The following PTPRG variants were observed in gnomAD, a reference collection of about 807,000 sequenced individuals.
The protein encoded by PTPRG is receptor-type tyrosine-protein phosphatase gamma.
PTPRG carries 102 observed loss-of-function variants against 165.3 expected under a neutral mutation model. The observed-to-expected ratio is 0.62, with a 90% CI of 0.53 to 0.73. The LOEUF (loss-of-function observed/expected upper bound fraction) is 0.73. PTPRG is among the 30% of genes least tolerant of loss of function. PTPRG has a pLI of 0.00. For synonymous variants in PTPRG, 675 were observed against 669.5 expected (o/e 1.01, Z -0.13); for missense variants, 1,866 against 1,861.4 (o/e 1.00, Z -0.05).
intron 21 of PTPRG, among the ~76,000 whole-genome samples, chr3:62,272,466 AC>A (rs1233511232): frequency 2.6e-5 from 4 of 152,166 alleles, no homozygotes; most frequent in African/African-American, 7.2e-5. Flanking sequence ...TTTGTTTTAA[AC>A]TTTGGTACTC....
intron 2 of PTPRG, among the ~76,000 whole-genome samples, chr3:61,960,855 T>G (rs1227113877): frequency 6.6e-6 from 1 of 152,160 alleles, no homozygotes; most frequent in Non-Finnish European, 1.5e-5. Flanking sequence ...TTTCCTAAAA[T>G]TAAGGCAATG....
At chr3:61,918,060 C>A (rs2038985986) in intron 2 of PTPRG, among the ~76,000 whole-genome samples, 1 of 152,166 alleles carries the variant, frequency 6.6e-6, no homozygotes, top group Non-Finnish European at 1.5e-5. Context: ...TTAGAAGAAG[C>A]AGTTTATAGA....
intron 17 of PTPRG, among the ~76,000 whole-genome samples, chr3:62,266,045 C>G (rs1292579903): frequency 6.6e-6 from 1 of 152,036 alleles, no homozygotes; most frequent in Non-Finnish European, 1.5e-5. Context: ...TGTGATGTGC[C>G]CAAAGGTCAT....
intron 14 of PTPRG, among the ~76,000 whole-genome samples, chr3:62,231,631 T>G (rs952139681): frequency 1.4e-4 from 22 of 152,074 alleles, no homozygotes; most frequent in Non-Finnish European, 3.2e-4. Context: ...CCATTTTCTT[T>G]CCAAATTTTT....
Position 62,203,661 on chromosome 3 carries a change from G to C in PTPRG, c.1866G>C (p.Glu622Asp), listed in dbSNP as rs570913535. Residue 622 changes from glutamate (E) to aspartate (D), a missense_variant, in exon 12 of 30, where the codon GAG becomes GAC. Glu to Asp is a conservative substitution (Grantham distance 45). This residue lies in a region of PTPRG where 1,452 missense variants were observed against 1,463.0 expected (regional missense o/e 0.99). Coordinates refer to ENST00000474889, the MANE Select transcript of PTPRG (RefSeq NM_002841.4). The surrounding 1 kb of genome is among the most constrained non-coding windows in gnomAD (Gnocchi z 6.4). The stretch of plus-strand genomic sequence containing the variant: ...CTGCCGAGGAGCGGAATCAGACGGA[G>C]CCCAGCCCCACACCCTCGTCTCCTA... The part of the protein sequence containing the change: ...THAAEERNQT[E>D]PSPTPSSPNR... The C allele has an allele frequency of 1.9e-6, 3 of 1,563,104 alleles. No homozygotes were observed. The highest frequency in any genetic ancestry group is 1.9e-5 in the Admixed American group (1 of 51,962).
intron 1 of PTPRG, among the ~76,000 whole-genome samples, chr3:61,565,695 C>G (rs565276039): frequency 2.0e-5 from 3 of 149,602 alleles, no homozygotes; most frequent in African/African-American, 7.4e-5. Flanking sequence ...TACATTATAT[C>G]TAGGATGCTG....
chr3:61,726,790 G>A (rs1425804544), intron 1 of PTPRG, among the ~76,000 whole-genome samples: 2 of 152,162 alleles, frequency 1.3e-5, no homozygotes, highest in East Asian at 1.9e-4. Context: ...GCTCACGCCT[G>A]TAATCCCAGC....
At chr3:62,180,740 G>A (rs1705613869) in intron 8 of PTPRG, among the ~76,000 whole-genome samples, 1 of 152,150 alleles carries the variant, frequency 6.6e-6, no homozygotes, top group South Asian at 2.1e-4. Context: ...GCTCTTTCCT[G>A]CACAGGACAT....
rs949903497 is a variant in PTPRG, at chr3:61,630,836, T to A, written c.85+68464T>A. Among the ~76,000 whole-genome samples the A allele has an allele frequency of 3.3e-5, 5 of 152,046 alleles. No homozygotes were observed. The South Asian group carries it at 1.0e-3, about 32-fold the overall frequency. On this transcript the variant is annotated intron_variant, in intron 1 of 29. Coordinates refer to ENST00000474889, the MANE Select transcript of PTPRG (RefSeq NM_002841.4). ...ACTTTGGGAGGCAGAGGCGGGCAGATCATGAGGTCAGGAGTTCGAGACCAG... is the reference window on the plus strand; with the variant it reads ...ACTTTGGGAGGCAGAGGCGGGCAGAACATGAGGTCAGGAGTTCGAGACCAG...
intron 6 of PTPRG, among the ~76,000 whole-genome samples, chr3:62,133,611 A>T (rs1050777894): frequency 1.3e-5 from 2 of 152,218 alleles, no homozygotes; most frequent in African/African-American, 4.8e-5. Flanking sequence ...TTGGTCAGTC[A>T]TGCAGCAGGT....
chr3:62,168,746 A>C (rs1180407157), intron 8 of PTPRG, among the ~76,000 whole-genome samples: 1 of 152,190 alleles, frequency 6.6e-6, no homozygotes, highest in Non-Finnish European at 1.5e-5. Context: ...CATGTGTTAC[A>C]GTGGGCTCTT....
chr3:61,792,674 TTC>T (rs1417513247), intron 2 of PTPRG, among the ~76,000 whole-genome samples: 2 of 212 alleles, frequency 9.4e-3, no homozygotes, highest in African/African-American at 0.01. Context: ...TGGGTTTTCT[TTC>T]TTTCTTTCTT....
At chr3:61,751,575 TCAAAG>T (rs1320024740) in intron 2 of PTPRG, among the ~76,000 whole-genome samples, 7 of 152,152 alleles carry the variant, frequency 4.6e-5, no homozygotes, top group African/African-American at 1.7e-4. Context: ...AAACCATAGT[TCAAAG>T]CGAAGTTTTG....
chr3:61,801,671 C>G (rs532188128), intron 2 of PTPRG, among the ~76,000 whole-genome samples: 2 of 152,236 alleles, frequency 1.3e-5, no homozygotes, highest in South Asian at 4.2e-4. Flanking sequence ...GGGACTGTTT[C>G]TCTCTGTTTC....
At position 62,168,156 on chromosome 3, in the gene PTPRG, C is replaced by G. The variant is rs1325879945; in HGVS notation, c.1026C>G (p.Ala342=). ...DFLENPLGTE[A]SKVCSSPPIH... ...TAGAAAACCCACTGGGGACAGAAGC[C>G]TCTAAAGGTATATTTGGCTTAAGTG... is the stretch of plus-strand genomic sequence containing the variant. The change falls in exon 8 of 30, where the codon GCC becomes GCG. Residue 342 remains alanine, a synonymous_variant. Transcript: ENST00000474889. The G allele has an allele frequency of 1.2e-6, 2 of 1,612,290 alleles. No individual in the cohort carries two copies. The highest frequency in any genetic ancestry group is 4.5e-5 in the East Asian group (2 of 44,856).
intron 2 of PTPRG, among the ~76,000 whole-genome samples, chr3:61,986,603 T>A (rs1165100811): frequency 6.6e-6 from 1 of 152,202 alleles, no homozygotes; most frequent in South Asian, 2.1e-4. Flanking sequence ...TTTCATCAGG[T>A]GAACAGGAAA....
At chr3:62,227,979 G>A (rs1176839744) in intron 13 of PTPRG, among the ~76,000 whole-genome samples, 1 of 152,212 alleles carries the variant, frequency 6.6e-6, no homozygotes, top group Non-Finnish European at 1.5e-5. Context: ...TGGCTGGATG[G>A]TGCTATGGTG....
chr3:61,956,840 C>G (rs955055131), intron 2 of PTPRG, among the ~76,000 whole-genome samples: 3 of 152,076 alleles, frequency 2.0e-5, no homozygotes, highest in Non-Finnish European at 4.4e-5. Flanking sequence ...TTAGCTATTT[C>G]CCTCTTTATC....
chr3:62,271,270 C>A lies in PTPRG; in HGVS notation c.3010-113C>A. The A allele has an allele frequency of 1.1e-6, 1 of 882,674 alleles. No individual in the cohort carries two copies. Among genetic ancestry groups the A allele is most frequent in the Non-Finnish European group, 1.7e-6 (1 of 594,564 alleles). The allele number at this position is 882,674 out of a possible 1,614,324, so 54.7% of individuals were successfully genotyped here. On this transcript the variant is annotated intron_variant, in intron 20 of 29. Coordinates refer to ENST00000474889, the MANE Select transcript of PTPRG (RefSeq NM_002841.4). This position sits in a 1 kb window ranked among gnomAD's most constrained non-coding sequence, Gnocchi z 4.1. ...AAGGGGGAATAACCTAGCCTGGGAA[C>A]AGTGATTAGGGTGAATGTGATCAGT...
Sources: allele counts gnomAD v4.1 joint callset (sites outside exome capture counted in the v4.1 genomes callset), GRCh38; gene constraint gnomAD v4.1.1; regional missense constraint gnomAD v4.1.1; non-coding constraint Gnocchi (gnomAD v3.1); transcripts MANE v1.5; gene names NCBI Gene and HGNC (gene_info 2026-07-23, HGNC 2026-07-21).